Variants in AFDN observed in about 807,000 individuals in gnomAD.
AFDN encodes afadin, adherens junction formation factor.
AFDN carries 68 observed loss-of-function variants against 216.6 expected under a neutral mutation model. The ratio of observed to expected loss-of-function variants is 0.31; its 90% CI spans 0.26 to 0.38. The LOEUF (loss-of-function observed/expected upper bound fraction) is 0.38. Among genes scored for constraint, AFDN ranks in the 10% least tolerant of loss-of-function variants. The probability of loss-of-function intolerance (pLI) is 1.00; values close to 1 mark genes in which losing one functional copy is unlikely to be tolerated. For synonymous variants in AFDN, 868 were observed against 853.7 expected (o/e 1.02, Z -0.29); for missense variants, 2,136 against 2,342.0 (o/e 0.91, Z 1.82).
chr6:167,827,819 C>T (rs1273832156), intron 1 of AFDN: 1 of 152,178 alleles, frequency 6.6e-6, no homozygotes, highest in Non-Finnish European at 1.5e-5. Flanking sequence ...CGCGCCTTCT[C>T]CACCTTCGGG....
intron 27 of AFDN, among the ~76,000 whole-genome samples, 168 bp from the exon 28 acceptor site, chr6:167,947,685 G>A (rs903636187): frequency 6.6e-6 from 1 of 151,836 alleles, no homozygotes; most frequent in Non-Finnish European, 1.5e-5. Context: ...GATGGATGTG[G>A]ATATGACAAG....
intron 4 of AFDN, among the ~76,000 whole-genome samples, chr6:167,872,825 C>T (rs558079052): frequency 2.2e-4 from 33 of 152,302 alleles, no homozygotes; most frequent in African/African-American, 7.2e-4. Flanking sequence ...CTAGTTCCCT[C>T]CACTTCCACC....
At chr6:167,916,223 G>C (rs746195729) in intron 19 of AFDN, among the ~76,000 whole-genome samples, 1 of 152,274 alleles carries the variant, frequency 6.6e-6, no homozygotes, top group East Asian at 1.9e-4. Flanking sequence ...CTCCTTGTTT[G>C]CCTGTCTGTG....
intron 32 of AFDN, chr6:167,966,411 C>T (rs540974366): frequency 1.6e-5 from 11 of 671,852 alleles, no homozygotes; most frequent in African/African-American, 9.4e-5. Flanking sequence ...TCACTGGTCT[C>T]GGCATGGTGA....
In AFDN at chr6:167,969,841, G is replaced by A. The variant is rs1236738007; in HGVS notation, c.5402G>A (p.Arg1801His). Reference sequence around the variant, plus strand: ...CCTGAAAACTTGACATTCAAGGAACGCCAGCGTCTTTTTTCACAAGGTCAA... The same window carrying A: ...CCTGAAAACTTGACATTCAAGGAACACCAGCGTCTTTTTTCACAAGGTCAA... ...GAPENLTFKE[R>H]QRLFSQGQDV... Residue 1801 changes from arginine (R) to histidine (H), a missense_variant, in exon 34 of 34, where the codon CGC (arginine) becomes CAC (histidine). Coordinates refer to ENST00000683244, the MANE Select transcript of AFDN (RefSeq NM_001386888.1). 9.9e-6 allele frequency: 16 copies of A among 1,613,092 alleles called. No homozygotes were observed. Among genetic ancestry groups the A allele is most frequent in the Non-Finnish European group, 1.2e-5 (14 of 1,179,668 alleles).
chr6:167,944,916 A>G (rs994283506), intron 26 of AFDN, among the ~76,000 whole-genome samples: 4 of 152,210 alleles, frequency 2.6e-5, no homozygotes, highest in Admixed American at 1.3e-4. Context: ...GGCCCAGGAC[A>G]TGGCCATGAC....
At chr6:167,904,104 C>G (rs1252065509) in intron 12 of AFDN, among the ~76,000 whole-genome samples, 1 of 152,182 alleles carries the variant, frequency 6.6e-6, no homozygotes, top group Non-Finnish European at 1.5e-5. Context: ...CTGCATCTTT[C>G]CTAGGTGAGC....
intron 21 of AFDN, among the ~76,000 whole-genome samples, chr6:167,919,437 A>C (rs894665887): frequency 6.6e-6 from 1 of 152,232 alleles, no homozygotes; most frequent in African/African-American, 2.4e-5. Flanking sequence ...TGAAATGGGC[A>C]TGTTGATAGT....
chr6:167,884,518 T>A (rs1786534645), intron 6 of AFDN, among the ~76,000 whole-genome samples: 1 of 152,202 alleles, frequency 6.6e-6, no homozygotes, highest in African/African-American at 2.4e-5. Context: ...ACAATGTTAA[T>A]CTTGTACCTC....
intron 23 of AFDN, among the ~76,000 whole-genome samples, chr6:167,926,817 C>CT (rs1276163216): frequency 6.6e-6 from 1 of 152,204 alleles, no homozygotes; most frequent in African/African-American, 2.4e-5. Flanking sequence ...AGTTTGGTAT[C>CT]TTTTTTCCTG....
At chr6:167,956,420 T>C (rs940242196) in intron 30 of AFDN, among the ~76,000 whole-genome samples, 4 of 152,232 alleles carry the variant, frequency 2.6e-5, no homozygotes, top group Admixed American at 1.3e-4. Flanking sequence ...CTCTGGTCTC[T>C]TTGTGACCCA....
intron 21 of AFDN, among the ~76,000 whole-genome samples, chr6:167,920,843 C>T (rs567217286): frequency 2.0e-5 from 3 of 152,304 alleles, no homozygotes; most frequent in South Asian, 4.1e-4. Context: ...TCTAATCAGG[C>T]GTCCTTTTAT....
At chr6:167,831,320 A>G (rs1216208510) in intron 1 of AFDN, among the ~76,000 whole-genome samples, 1 of 152,196 alleles carries the variant, frequency 6.6e-6, no homozygotes, top group African/African-American at 2.4e-5. Flanking sequence ...ATGATTGCCA[A>G]TGATGTATTT....
intron 3 of AFDN, among the ~76,000 whole-genome samples, chr6:167,871,272 AT>A (rs1784764490): frequency 6.6e-6 from 1 of 152,122 alleles, no homozygotes; most frequent in African/African-American, 2.4e-5. Context: ...GATGTGTCAT[AT>A]TTGCAGCAAA....
chr6:167,969,870 G>A lies in AFDN; in HGVS notation c.5431G>A (p.Val1811Ile), dbSNP rs773095703. 7.0e-5 allele frequency: 113 copies of A among 1,613,018 alleles called. No homozygotes were observed. The highest frequency in any genetic ancestry group is 1.3e-4 in the Admixed American group (8 of 59,800). Reference protein sequence around the residue: ...RQRLFSQGQDVSNKVKASRKL... With the variant: ...RQRLFSQGQDISNKVKASRKL... Reference sequence around the variant, plus strand: ...GCGTCTTTTTTCACAAGGTCAAGATGTATCCAATAAAGTGAAAGCTTCTCG... The same window carrying A: ...GCGTCTTTTTTCACAAGGTCAAGATATATCCAATAAAGTGAAAGCTTCTCG... The change falls in exon 34 of 34, where the codon GTA (valine) becomes ATA (isoleucine). Residue 1811 changes from valine (V) to isoleucine (I), a missense_variant. Coordinates refer to ENST00000683244, the MANE Select transcript of AFDN (RefSeq NM_001386888.1).
intron 7 of AFDN, among the ~76,000 whole-genome samples, 186 bp downstream of exon 7, chr6:167,889,512 C>T (rs1244705612): frequency 4.6e-5 from 7 of 152,188 alleles, no homozygotes; most frequent in Non-Finnish European, 1.0e-4. Flanking sequence ...TGGCTCACTG[C>T]AAGCTCCACC....
chr6:167,861,485 T>TC (rs374187653), intron 1 of AFDN, among the ~76,000 whole-genome samples: 9 of 152,304 alleles, frequency 5.9e-5, no homozygotes, highest in African/African-American at 2.2e-4. Context: ...TTCTTTTTTT[T>TC]CTCTCTTTGA....
intron 1 of AFDN, among the ~76,000 whole-genome samples, chr6:167,850,118 G>T (rs1482105384): frequency 6.6e-6 from 1 of 152,198 alleles, no homozygotes; most frequent in Non-Finnish European, 1.5e-5. Context: ...ACCAGGGAGA[G>T]AATGTCAAAT....
At chr6:167,888,790 A>T (rs1340549312) in intron 6 of AFDN, among the ~76,000 whole-genome samples, 1 of 152,210 alleles carries the variant, frequency 6.6e-6, no homozygotes, top group African/African-American at 2.4e-5. Context: ...TATGGTGGTT[A>T]TCCTAAGATA....
Sources: gnomAD v4.1 joint callset for allele counts (sites outside exome capture counted in the v4.1 genomes callset) on GRCh38, gnomAD v4.1.1 for gene constraint, MANE v1.5 for transcripts, NCBI Gene and HGNC (gene_info 2026-07-23, HGNC 2026-07-21) for gene names.